The following SGCZ variants were observed in gnomAD, a reference collection of about 807,000 sequenced individuals.
The protein encoded by SGCZ is sarcoglycan zeta.
SGCZ carries 40 observed loss-of-function variants against 41.3 expected under a neutral mutation model. The observed-to-expected ratio is 0.97, with a 90% confidence interval of 0.75 to 1.26. The LOEUF (loss-of-function observed/expected upper bound fraction) is 1.26. Ranked by LOEUF, SGCZ falls within the 50% of genes most tolerant of loss-of-function variation. The pLI, the probability that SGCZ is intolerant of heterozygous loss-of-function variation, is 0.00. For synonymous variants in SGCZ, 206 were observed against 137.5 expected, an observed-to-expected ratio of 1.50 and a Z score of -3.49; for missense variants, 552 against 369.8, an observed-to-expected ratio of 1.49 and a Z score of -4.04.
chr8:14,189,509 G>C (rs11990112), intron 4 of SGCZ, among the ~76,000 whole-genome samples: 8,262 of 152,116 alleles, frequency 0.054, 416 homozygotes, highest in African/African-American at 0.14. Flanking sequence ...ACACACACAG[G>C]CTTTTACACT....
At chr8:14,966,284 T>C (rs1444283135) in intron 1 of SGCZ, among the ~76,000 whole-genome samples, 1 of 151,784 alleles carries the variant, frequency 6.6e-6, no homozygotes, top group Middle Eastern at 3.2e-3. Flanking sequence ...TAAATAATTA[T>C]ATCAAGAGGA....
chr8:15,234,376 T>C (rs554235367), intron 1 of SGCZ, among the ~76,000 whole-genome samples: 1 of 152,296 alleles, frequency 6.6e-6, no homozygotes, highest in South Asian at 2.1e-4. Flanking sequence ...TGTTTCTTCT[T>C]TAAAGTAAAC....
chr8:14,557,230 T>A (rs1804060370), intron 1 of SGCZ, among the ~76,000 whole-genome samples: 1 of 151,706 alleles, frequency 6.6e-6, no homozygotes, highest in Non-Finnish European at 1.5e-5. Context: ...TTTGTATATC[T>A]TTTTTTTGAG....
chr8:14,993,672 G>C (rs1267924318), intron 1 of SGCZ, among the ~76,000 whole-genome samples: 1 of 152,168 alleles, frequency 6.6e-6, no homozygotes, highest in Non-Finnish European at 1.5e-5. Flanking sequence ...CCGGGGCAGT[G>C]AGCAAAAGTC....
intron 1 of SGCZ, among the ~76,000 whole-genome samples, chr8:14,927,489 G>C (rs2130800662): frequency 6.6e-6 from 1 of 152,210 alleles, no homozygotes; most frequent in South Asian, 2.1e-4. Flanking sequence ...GTAAGGGAGA[G>C]AGAGAATAAA....
At chr8:14,470,668 A>C (rs1211939487) in intron 2 of SGCZ, among the ~76,000 whole-genome samples, 1 of 152,128 alleles carries the variant, frequency 6.6e-6, no homozygotes, top group East Asian at 1.9e-4. Context: ...ACGGTTGGAG[A>C]TAATCAGTAA....
At chr8:14,166,619 A>C (rs1169288284) in intron 4 of SGCZ, among the ~76,000 whole-genome samples, 2 of 152,146 alleles carry the variant, frequency 1.3e-5, no homozygotes, top group Non-Finnish European at 2.9e-5. Flanking sequence ...TGATTCTCAA[A>C]ATATATCGCT....
chr8:14,680,398 G>C (rs191048921), intron 1 of SGCZ, among the ~76,000 whole-genome samples: 17 of 152,228 alleles, frequency 1.1e-4, no homozygotes, highest in Admixed American at 6.5e-4. Context: ...TGTAAAAACT[G>C]TGGCACTTTG....
chr8:15,087,479 C>T (rs909888022), intron 1 of SGCZ, among the ~76,000 whole-genome samples: 3 of 152,026 alleles, frequency 2.0e-5, no homozygotes, highest in Non-Finnish European at 2.9e-5. Context: ...GGTTTTGGCA[C>T]GTTTTTGAAA....
At chr8:14,179,954 C>G (rs774875698) in intron 4 of SGCZ, among the ~76,000 whole-genome samples, 1 of 152,168 alleles carries the variant, frequency 6.6e-6, no homozygotes, top group South Asian at 2.1e-4. Flanking sequence ...GAAACCGGCC[C>G]AAGCACTAGG....
chr8:14,237,484 A>C (rs867091271), intron 4 of SGCZ, 108 bp downstream of exon 4: 2 of 889,994 alleles, frequency 2.2e-6, no homozygotes, highest in South Asian at 1.6e-5. Flanking sequence ...CTCTGTCTCA[A>C]AACAACAACA....
intron 2 of SGCZ, among the ~76,000 whole-genome samples, chr8:14,456,750 G>T (rs558383044): frequency 9.7e-4 from 147 of 152,276 alleles, no homozygotes; most frequent in African/African-American, 3.5e-3. Flanking sequence ...ATGTTGAATT[G>T]TCATCTCCAA....
At chr8:15,126,180 TTGAC>T (rs1453598386) in intron 1 of SGCZ, among the ~76,000 whole-genome samples, 2 of 152,104 alleles carry the variant, frequency 1.3e-5, no homozygotes, top group Non-Finnish European at 2.9e-5. Context: ...CAAAAAATGA[TTGAC>T]TGAAGTAGAT....
intron 1 of SGCZ, among the ~76,000 whole-genome samples, chr8:15,179,299 A>C (rs268354): frequency 6.6e-6 from 1 of 152,104 alleles, no homozygotes; most frequent in Admixed American, 6.5e-5. Context: ...TTATCTCTTC[A>C]TTAGACTTCT....
At chr8:15,167,574 T>C (rs776100122) in intron 1 of SGCZ, among the ~76,000 whole-genome samples, 1 of 152,186 alleles carries the variant, frequency 6.6e-6, no homozygotes, top group Non-Finnish European at 1.5e-5. Flanking sequence ...AAAAGGCCTC[T>C]GCAGAAATAA....
At chr8:14,141,193 A>ATGTT (rs1803358235) in intron 5 of SGCZ, among the ~76,000 whole-genome samples, 1 of 152,230 alleles carries the variant, frequency 6.6e-6, no homozygotes, top group Non-Finnish European at 1.5e-5. Context: ...AAAGATTCAA[A>ATGTT]TGTTAGACCT....
intron 2 of SGCZ, among the ~76,000 whole-genome samples, chr8:14,445,142 A>G (rs1254490751): frequency 6.6e-6 from 1 of 152,212 alleles, no homozygotes; most frequent in African/African-American, 2.4e-5. Flanking sequence ...AAAGGTGATT[A>G]TATTAATTGT....
intron 1 of SGCZ, among the ~76,000 whole-genome samples, chr8:15,100,631 A>G (rs1032273032): frequency 5.3e-5 from 8 of 152,194 alleles, no homozygotes; most frequent in African/African-American, 1.4e-4. Context: ...AAGACTCAGA[A>G]TAGCCAACAC....
chr8:14,642,547 C>G (rs769510072), intron 1 of SGCZ, among the ~76,000 whole-genome samples: 46 of 151,362 alleles, frequency 3.0e-4, no homozygotes, highest in Non-Finnish European at 5.6e-4. Context: ...CTTAGTTTAA[C>G]ACTCTCAGTG....
Sources: gnomAD v4.1 joint callset for allele counts (sites outside exome capture counted in the v4.1 genomes callset) on GRCh38, gnomAD v4.1.1 for gene constraint, MANE v1.5 for transcripts, NCBI Gene and HGNC (gene_info 2026-07-23, HGNC 2026-07-21) for gene names.